Variants in CELF2 observed in about 807,000 individuals in gnomAD.
The protein encoded by CELF2 is CUGBP Elav-like family member 2, also known as CUG triplet repeat RNA-binding protein 2.
CELF2 carries 8 observed loss-of-function variants against 62.6 expected under a neutral mutation model. That is an observed-to-expected ratio of 0.13 (90% CI 0.07 to 0.23). The LOEUF is 0.23. Ranked by LOEUF, CELF2 falls within the 10% of genes least tolerant of loss-of-function variation. The pLI is 1.00. For missense variants in CELF2, 333 were observed against 671.0 expected, an observed-to-expected ratio of 0.50 and a Z score of 5.56; for synonymous variants, 258 against 250.0, an observed-to-expected ratio of 1.03 and a Z score of -0.30.
intron 1 of CELF2, among the ~76,000 whole-genome samples, chr10:11,113,246 A>T (rs1289304559): frequency 6.6e-6 from 1 of 152,236 alleles, no homozygotes; most frequent in Non-Finnish European, 1.5e-5. Flanking sequence ...TCCAAAAGGA[A>T]AATCAAGATT....
the CELF2 span, among the ~76,000 whole-genome samples, chr10:10,598,537 G>C: frequency 6.6e-6 from 1 of 152,136 alleles, no homozygotes. Context: ...CATTGGTTAA[G>C]AGCCACCTGG....
At chr10:10,833,369 A>G (rs1380731955) in intron 1 of CELF2, among the ~76,000 whole-genome samples, 2 of 152,220 alleles carry the variant, frequency 1.3e-5, no homozygotes, top group Non-Finnish European at 2.9e-5. Flanking sequence ...CATTAAACTG[A>G]TGCTGAAGGT....
intron 3 of CELF2, among the ~76,000 whole-genome samples, chr10:11,218,671 A>C (rs1397391551): frequency 6.6e-6 from 1 of 152,252 alleles, no homozygotes; most frequent in Non-Finnish European, 1.5e-5. Context: ...AAAGAATAGA[A>C]GGTTCGAAGA....
chr10:10,479,402 C>T, the CELF2 span, among the ~76,000 whole-genome samples: 2 of 152,116 alleles, frequency 1.3e-5, no homozygotes, highest in South Asian at 2.1e-4. Context: ...CTCCTGACCT[C>T]GTGATCCACC....
At chr10:11,179,396 C>T (rs142382459) in intron 2 of CELF2, among the ~76,000 whole-genome samples, 5 of 152,274 alleles carry the variant, frequency 3.3e-5, no homozygotes, top group Middle Eastern at 3.4e-3. Flanking sequence ...GAGTTTACAT[C>T]GCTTGCTGAA....
chr10:10,778,046 GT>G, the CELF2 span, among the ~76,000 whole-genome samples: 19 of 152,162 alleles, frequency 1.2e-4, no homozygotes, highest in Non-Finnish European at 2.4e-4. Flanking sequence ...ATAGACACTG[GT>G]GCAATCAGGT....
At chr10:11,124,398 C>A (rs2058319237) in intron 1 of CELF2, among the ~76,000 whole-genome samples, 1 of 152,116 alleles carries the variant, frequency 6.6e-6, no homozygotes. Flanking sequence ...CACTTAGATT[C>A]TTAATTCCTA....
At chr10:10,724,651 G>A in the CELF2 span, among the ~76,000 whole-genome samples, 3,840 of 100,818 alleles carry the variant, frequency 0.038, 174 homozygotes, top group African/African-American at 0.11. Flanking sequence ...GCAAGACTCC[G>A]TCTCAAAAAA....
Position 11,328,868 on chromosome 10 carries a change from T to G in CELF2, c.1439-58T>G. 6.4e-7 allele frequency: 1 copy of G among 1,558,810 alleles called. No homozygotes were observed. Among genetic ancestry groups the G allele is most frequent in the Non-Finnish European group, 8.7e-7 (1 of 1,147,480 alleles). On this transcript the variant is annotated intron_variant, in intron 12 of 12. Coordinates refer to ENST00000633077, the MANE Select transcript of CELF2 (RefSeq NM_001326342.2). The surrounding 1 kb of genome is among the most constrained non-coding windows in gnomAD (Gnocchi z 6.4). ...GCCTTCCCCAGAGCTCCAGCCCCCT[T>G]TTCTGTTTTCTGCTGGGCTTCCTCT... is the stretch of plus-strand genomic sequence containing the variant.
intron 3 of CELF2, among the ~76,000 whole-genome samples, chr10:11,221,971 G>A (rs2065001397): frequency 6.6e-6 from 1 of 152,214 alleles, no homozygotes; most frequent in African/African-American, 2.4e-5. Flanking sequence ...ATCGGAGGAG[G>A]CAGGAAGGGA....
At chr10:10,553,716 C>A in the CELF2 span, among the ~76,000 whole-genome samples, 1 of 152,116 alleles carries the variant, frequency 6.6e-6, no homozygotes, top group Non-Finnish European at 1.5e-5. Flanking sequence ...GAGCTGAAGT[C>A]ATCTGTGAAA....
rs752077459 is a variant in CELF2 at position 11,223,773 on chromosome 10, G to A, written c.354+6266G>A. Among the ~76,000 whole-genome samples the A allele has an allele frequency of 1.3e-5, 2 of 152,180 alleles. No individual in the cohort carries two copies. Among genetic ancestry groups the A allele is most frequent in the African/African-American group, 4.8e-5 (2 of 41,450 alleles). On this transcript the variant is annotated intron_variant, in intron 3 of 12. Coordinates refer to ENST00000633077, the MANE Select transcript of CELF2 (RefSeq NM_001326342.2). This position sits in a 1 kb window ranked among gnomAD's most constrained non-coding sequence, Gnocchi z 5.1. Reference sequence around the variant, plus strand: ...GCAACAGGATGGCTCCCAGCTGAGCGGTATAGATCCAGGAGAGGATATCGG... The same window carrying A: ...GCAACAGGATGGCTCCCAGCTGAGCAGTATAGATCCAGGAGAGGATATCGG...
intron 1 of CELF2, among the ~76,000 whole-genome samples, chr10:11,069,265 G>T (rs2069045883): frequency 6.6e-6 from 1 of 152,174 alleles, no homozygotes; most frequent in South Asian, 2.1e-4. Context: ...TTTCTCCCAT[G>T]ATAGCAAAGA....
At chr10:10,536,279 A>G in the CELF2 span, among the ~76,000 whole-genome samples, 1 of 152,128 alleles carries the variant, frequency 6.6e-6, no homozygotes, top group African/African-American at 2.4e-5. Flanking sequence ...TGGCCTCCCA[A>G]TGTGTTGGGA....
intron 5 of CELF2, among the ~76,000 whole-genome samples, chr10:11,261,697 A>T (rs746637685): frequency 1.2e-4 from 19 of 152,114 alleles, no homozygotes; most frequent in Non-Finnish European, 2.5e-4. Context: ...AATTTGGAAA[A>T]CACTGAGATG....
the CELF2 span, among the ~76,000 whole-genome samples, chr10:10,736,692 C>T: frequency 2.0e-5 from 3 of 151,890 alleles, no homozygotes; most frequent in African/African-American, 4.8e-5. Flanking sequence ...AAAAAAATGT[C>T]AGAGCTAATG....
chr10:10,932,080 G>A (rs1350503806), intron 2 of CELF2, among the ~76,000 whole-genome samples: 2 of 151,980 alleles, frequency 1.3e-5, no homozygotes, highest in East Asian at 1.9e-4. Flanking sequence ...ATCTGGGTGG[G>A]GACACAGCCA....
chr10:11,125,650 G>T (rs931347217), intron 1 of CELF2, among the ~76,000 whole-genome samples: 6 of 152,218 alleles, frequency 3.9e-5, no homozygotes, highest in African/African-American at 1.4e-4. Context: ...CAGGGTTTAT[G>T]CTGTTAGAGC....
chr10:10,535,718 C>T, the CELF2 span, among the ~76,000 whole-genome samples: 2 of 152,058 alleles, frequency 1.3e-5, no homozygotes, highest in Admixed American at 6.5e-5. Context: ...GACTCTTTGT[C>T]TCCAAAAACA....
Sources: gnomAD v4.1 joint callset for allele counts (sites outside exome capture counted in the v4.1 genomes callset) on GRCh38, gnomAD v4.1.1 for gene constraint, Gnocchi (gnomAD v3.1) non-coding constraint, MANE v1.5 for transcripts, NCBI Gene and HGNC (gene_info 2026-07-23, HGNC 2026-07-21) for gene names.